The following TMTC2 variants were observed in gnomAD, a reference collection of about 807,000 sequenced individuals.
TMTC2 encodes the protein protein O-mannosyl-transferase TMTC2.
TMTC2 carries 43 observed loss-of-function variants against 82.4 expected under a neutral mutation model. That is an observed-to-expected ratio of 0.52 (90% CI 0.41 to 0.67). The LOEUF is 0.67. Ranked by LOEUF, TMTC2 falls within the 30% of genes least tolerant of loss-of-function variation. TMTC2 has a pLI of 0.00. For synonymous variants in TMTC2, 408 were observed against 381.9 expected (o/e 1.07, Z -0.80); for missense variants, 919 against 1,012.4 (o/e 0.91, Z 1.25).
chr12:82,946,745 CTT>C (rs68095076), intron 4 of TMTC2, among the ~76,000 whole-genome samples: 3 of 136,966 alleles, frequency 2.2e-5, no homozygotes, highest in Non-Finnish European at 1.5e-5. Context: ...CTTTTCTTTT[CTT>C]TTTTTTTTTT....
chr12:83,094,231 G>A (rs559752761), intron 11 of TMTC2, among the ~76,000 whole-genome samples: 32 of 152,368 alleles, frequency 2.1e-4, no homozygotes, highest in African/African-American at 7.0e-4. Flanking sequence ...AGGTTGAAAA[G>A]GCCAGAGAAG....
chr12:83,007,487 CTT>C (rs1880258776), intron 8 of TMTC2, among the ~76,000 whole-genome samples: 2 of 152,202 alleles, frequency 1.3e-5, no homozygotes, highest in South Asian at 4.2e-4. Flanking sequence ...GTGATGGACA[CTT>C]TATACTAAGT....
At chr12:82,912,335 G>A (rs74106179) in intron 3 of TMTC2, among the ~76,000 whole-genome samples, 10,199 of 152,184 alleles carry the variant, frequency 0.067, 349 homozygotes, top group African/African-American at 0.082. Context: ...ACTTACAGTC[G>A]TTTAATATTT....
chr12:83,061,798 G>A lies in TMTC2; in HGVS notation c.2298G>A (p.Lys766=), dbSNP rs760610640. ...RQASLNEAAE[K]YYDLAARLRP... ...CTAGCCTCAATGAAGCAGCTGAGAA[G>A]TATTATGATCTGGCAGCCAGGCTGA... Residue 766 remains lysine (K), a synonymous_variant, in exon 11 of 12, where the codon AAG becomes AAA. Transcript: ENST00000321196. The A allele has an allele frequency of 1.9e-6, 3 of 1,597,068 alleles. No individual in the cohort carries two copies. The Admixed American group carries it at 5.1e-5, about 27-fold the overall frequency.
intron 10 of TMTC2, among the ~76,000 whole-genome samples, chr12:83,059,636 G>A (rs1882669202): frequency 6.6e-6 from 1 of 151,658 alleles, no homozygotes; most frequent in Non-Finnish European, 1.5e-5. Flanking sequence ...TTCTAACCTA[G>A]ATATTTCCTT....
At chr12:83,005,440 G>A (rs972534243) in intron 8 of TMTC2, among the ~76,000 whole-genome samples, 17 of 152,184 alleles carry the variant, frequency 1.1e-4, no homozygotes, top group African/African-American at 3.4e-4. Flanking sequence ...GGAGATGGGA[G>A]AGAAGAGATG....
chr12:82,738,978 T>G (rs1350553289), intron 1 of TMTC2, among the ~76,000 whole-genome samples: 1 of 151,818 alleles, frequency 6.6e-6, no homozygotes, highest in African/African-American at 2.4e-5. Context: ...TGAAAGCCTA[T>G]CTCTACTAAA....
chr12:82,827,264 A>G (rs1356928336), intron 1 of TMTC2, among the ~76,000 whole-genome samples: 1 of 152,180 alleles, frequency 6.6e-6, no homozygotes, highest in Admixed American at 6.5e-5. Context: ...TGCAATACCT[A>G]CTTTTTCCCT....
intron 11 of TMTC2, among the ~76,000 whole-genome samples, chr12:83,077,528 GTTATGAATTA>G (rs1883320263): frequency 6.6e-6 from 1 of 151,984 alleles, no homozygotes; most frequent in African/African-American, 2.4e-5. Context: ...TCTTATGTGT[GTTATGAATTA>G]TTACCTAATT....
In TMTC2 at chr12:82,857,191, C is replaced by T; in HGVS notation, c.265C>T (p.Leu89Phe). Residue 89 changes from leucine (L) to phenylalanine (F), a missense_variant, in exon 2 of 12, where the codon CTT (leucine) becomes TTT (phenylalanine). Transcript: ENST00000321196. ...IGGLNPWSYH[L>F]VNVLLHAAVT... ...AGGGTTGAATCCCTGGAGCTACCAT[C>T]TTGTCAATGTCCTGTTGCATGCAGC... The T allele has an allele frequency of 6.2e-7, 1 of 1,614,162 alleles. No homozygotes were observed. Among genetic ancestry groups the T allele is most frequent in the Non-Finnish European group, 8.5e-7 (1 of 1,180,036 alleles).
At chr12:83,017,443 C>T (rs1388764876) in intron 8 of TMTC2, among the ~76,000 whole-genome samples, 2 of 152,236 alleles carry the variant, frequency 1.3e-5, no homozygotes, top group African/African-American at 2.4e-5. Context: ...GCCTAGTTCA[C>T]TTAAGAACCT....
At chr12:82,812,870 A>G (rs534074223) in intron 1 of TMTC2, among the ~76,000 whole-genome samples, 2 of 152,092 alleles carry the variant, frequency 1.3e-5, no homozygotes, top group Non-Finnish European at 2.9e-5. Context: ...ATTTTTAAAA[A>G]TCATAAAATC....
At chr12:82,846,383 A>G (rs1870683502) in intron 1 of TMTC2, among the ~76,000 whole-genome samples, 1 of 152,078 alleles carries the variant, frequency 6.6e-6, no homozygotes, top group East Asian at 1.9e-4. Context: ...GAAAAACAGG[A>G]AAGATTGTCT....
At chr12:82,797,126 T>TC (rs1878758711) in intron 1 of TMTC2, among the ~76,000 whole-genome samples, 1 of 152,312 alleles carries the variant, frequency 6.6e-6, no homozygotes, top group East Asian at 1.9e-4. Context: ...ATCATTATCT[T>TC]CCCTGCCTTG....
At chr12:82,851,522 G>A (rs1046079615) in intron 1 of TMTC2, among the ~76,000 whole-genome samples, 2 of 152,276 alleles carry the variant, frequency 1.3e-5, no homozygotes, top group East Asian at 1.9e-4. Flanking sequence ...GGCAAGTATA[G>A]TGCTCTCTAG....
chr12:83,054,026 A>T (rs1882446677), intron 10 of TMTC2, among the ~76,000 whole-genome samples: 1 of 152,032 alleles, frequency 6.6e-6, no homozygotes. Flanking sequence ...TTTGTCAATG[A>T]ATGTATGTGA....
chr12:83,121,574 A>G (rs765905647), intron 11 of TMTC2, among the ~76,000 whole-genome samples: 7 of 151,180 alleles, frequency 4.6e-5, no homozygotes, highest in Admixed American at 2.0e-4. Flanking sequence ...GGTGAAATGG[A>G]CTCTTTGAGG....
At position 82,896,039 on chromosome 12, in the gene TMTC2, T is replaced by G; in HGVS notation, c.876T>G (p.Phe292Leu). ...TGCTATGTCCAGATACCCTCAGTTT[T>G]GATTGGTCAATGGATGCTGTGCCTC... is the stretch of plus-strand genomic sequence containing the variant. ...WLLLCPDTLS[F>L]DWSMDAVPLL... Residue 292 changes from phenylalanine to leucine, a missense_variant, in exon 3 of 12, where the codon TTT becomes TTG. Physicochemically the swap from Phe to Leu is conservative, Grantham distance 22 (BLOSUM62 0). Transcript: ENST00000321196. The G allele has an allele frequency of 6.2e-7, 1 of 1,613,980 alleles. No homozygotes were observed. Among genetic ancestry groups the G allele is most frequent in the Middle Eastern group, 1.6e-4 (1 of 6,062 alleles).
chr12:82,877,467 C>T (rs984066668), intron 2 of TMTC2, among the ~76,000 whole-genome samples: 11 of 152,120 alleles, frequency 7.2e-5, no homozygotes, highest in Non-Finnish European at 1.5e-4. Context: ...ATTTTAAGAC[C>T]TTTCATTTAG....
Sources: allele counts gnomAD v4.1 joint callset (sites outside exome capture counted in the v4.1 genomes callset), GRCh38; gene constraint gnomAD v4.1.1; transcripts MANE v1.5; gene names NCBI Gene and HGNC (gene_info 2026-07-23, HGNC 2026-07-21).